CAST: variants seen among roughly 807,000 people sequenced by gnomAD.
CAST encodes the protein MIR583 host.
In CAST, 76 loss-of-function variants were observed where a neutral mutation model predicts 119.6. The observed-to-expected ratio is 0.64, with a 90% confidence interval of 0.53 to 0.77. The LOEUF (loss-of-function observed/expected upper bound fraction) is 0.77. Ranked by LOEUF, CAST falls within the 30% of genes least tolerant of loss-of-function variation. The pLI is 0.00. For missense variants in CAST, 953 were observed against 946.5 expected, an observed-to-expected ratio of 1.01 and a Z score of -0.09; for synonymous variants, 319 against 331.6, an observed-to-expected ratio of 0.96 and a Z score of 0.41.
chr5:96,479,336 T>C, the CAST span, among the ~76,000 whole-genome samples: 1 of 152,120 alleles, frequency 6.6e-6, no homozygotes, highest in East Asian at 1.9e-4. Context: ...TCCTTGAAAG[T>C]AGAAACATGC....
At chr5:96,759,849 A>C (rs1448501854) in intron 24 of CAST, among the ~76,000 whole-genome samples, 1 of 152,050 alleles carries the variant, frequency 6.6e-6, no homozygotes, top group Non-Finnish European at 1.5e-5. Flanking sequence ...AGAGAAAATA[A>C]TCTTACTAAT....
At chr5:96,246,943 C>T in the CAST span, among the ~76,000 whole-genome samples, 1 of 152,168 alleles carries the variant, frequency 6.6e-6, no homozygotes, top group South Asian at 2.1e-4. Flanking sequence ...CTTTTCATAG[C>T]AAGCATTAAA....
chr5:96,032,752 A>G, the CAST span, among the ~76,000 whole-genome samples: 1 of 152,136 alleles, frequency 6.6e-6, no homozygotes, highest in African/African-American at 2.4e-5. Context: ...AAAACTTTAT[A>G]TACCACTTCT....
At chr5:96,389,850 G>A in the CAST span, among the ~76,000 whole-genome samples, 2 of 152,206 alleles carry the variant, frequency 1.3e-5, no homozygotes, top group South Asian at 2.1e-4. Context: ...TGGGAAGATC[G>A]TTTGAGCCTG....
intron 5 of CAST, 106 bp from the exon 6 acceptor site, chr5:96,727,383 C>A: frequency 1.8e-6 from 1 of 564,566 alleles, no homozygotes; most frequent in South Asian, 2.7e-5. Flanking sequence ...TAAAAATCAT[C>A]TCTTTTGAGT....
chr5:96,556,142 T>G (rs1746234459), intron 1 of CAST, among the ~76,000 whole-genome samples: 1 of 152,218 alleles, frequency 6.6e-6, no homozygotes, highest in Admixed American at 6.5e-5. Flanking sequence ...GACCTGCAGC[T>G]GAGGGTCCTG....
chr5:96,456,771 G>A, the CAST span, among the ~76,000 whole-genome samples: 1 of 152,176 alleles, frequency 6.6e-6, no homozygotes, highest in East Asian at 1.9e-4. Context: ...TTGAATTGTA[G>A]TTCCCATAAT....
chr5:96,211,110 T>C, the CAST span, among the ~76,000 whole-genome samples: 1 of 152,042 alleles, frequency 6.6e-6, no homozygotes, highest in South Asian at 2.1e-4. Context: ...TACCTACAAA[T>C]AGAATTAGTC....
the CAST span, among the ~76,000 whole-genome samples, chr5:96,164,017 T>A: frequency 6.6e-6 from 1 of 152,146 alleles, no homozygotes; most frequent in Non-Finnish European, 1.5e-5. Context: ...GTTGTAAGAA[T>A]TAGATGAATT....
chr5:96,100,240 C>T, the CAST span, among the ~76,000 whole-genome samples: 1 of 152,234 alleles, frequency 6.6e-6, no homozygotes, highest in East Asian at 1.9e-4. Context: ...CTTATTTTCC[C>T]GCATCTGGCT....
At chr5:96,543,853 A>G (rs1745958426) in intron 1 of CAST, among the ~76,000 whole-genome samples, 1 of 152,342 alleles carries the variant, frequency 6.6e-6, no homozygotes, top group Middle Eastern at 3.4e-3. Flanking sequence ...TCCTATGTCA[A>G]GGATCAGTTG....
chr5:96,189,649 G>C, the CAST span, among the ~76,000 whole-genome samples: 1,072 of 152,154 alleles, frequency 7.0e-3, 10 homozygotes, highest in African/African-American at 0.025. Flanking sequence ...GATACTTTAT[G>C]ATTCTTATCT....
chr5:96,194,020 G>A, the CAST span, among the ~76,000 whole-genome samples: 8 of 152,238 alleles, frequency 5.3e-5, no homozygotes, highest in East Asian at 1.5e-3. Flanking sequence ...CTAAAGCAGA[G>A]GACACCTGGC....
chr5:95,973,402 G>C, the CAST span: 1 of 152,912 alleles, frequency 6.5e-6, no homozygotes, highest in African/African-American at 2.4e-5. Context: ...AGCATTTGCT[G>C]TCCACTCGAT....
At chr5:96,063,073 A>G in the CAST span, among the ~76,000 whole-genome samples, 1 of 152,138 alleles carries the variant, frequency 6.6e-6, no homozygotes, top group Admixed American at 6.6e-5. Context: ...ACTTCCCCAC[A>G]GAGAAAGCAC....
chr5:96,209,907 A>T, the CAST span, among the ~76,000 whole-genome samples: 2 of 151,740 alleles, frequency 1.3e-5, no homozygotes. Context: ...TTCATGGATG[A>T]TATACTCAAA....
intron 3 of CAST, among the ~76,000 whole-genome samples, chr5:96,709,053 A>G (rs1755580934): frequency 6.6e-6 from 1 of 152,188 alleles, no homozygotes; most frequent in Admixed American, 6.5e-5. Flanking sequence ...GGTCATTCAG[A>G]TTTCAACAGC....
chr5:95,975,970 A>G, the CAST span, among the ~76,000 whole-genome samples: 18 of 152,234 alleles, frequency 1.2e-4, no homozygotes, highest in African/African-American at 3.4e-4. Context: ...TGGAGGCAAG[A>G]TAGAAATTGT....
the CAST span, among the ~76,000 whole-genome samples, chr5:96,002,472 G>A: frequency 6.6e-6 from 1 of 152,170 alleles, no homozygotes; most frequent in Admixed American, 6.5e-5. Context: ...GTCTTTGTAA[G>A]TTGAAAGCAG....
Sources: allele counts gnomAD v4.1 joint callset (sites outside exome capture counted in the v4.1 genomes callset), GRCh38; gene constraint gnomAD v4.1.1; transcripts MANE v1.5; gene names NCBI Gene and HGNC (gene_info 2026-07-23, HGNC 2026-07-21).